CNTN3: variants seen among roughly 807,000 people sequenced by gnomAD.
CNTN3 encodes contactin-3.
A neutral mutation model predicts 119.1 loss-of-function variants in CNTN3; 60 were observed. That is an observed-to-expected ratio of 0.50 (90% CI 0.41 to 0.62). The LOEUF (loss-of-function observed/expected upper bound fraction) is 0.62, where lower values mean the gene tolerates loss of function less well. CNTN3 is among the 20% of genes least tolerant of loss of function. The pLI is 0.00. For synonymous variants in CNTN3, 450 were observed against 438.7 expected (o/e 1.03, Z -0.32); for missense variants, 1,101 against 1,242.4 (o/e 0.89, Z 1.71).
At chr3:74,363,322 G>C (rs1461307365) in intron 10 of CNTN3, among the ~76,000 whole-genome samples, 2 of 152,120 alleles carry the variant, frequency 1.3e-5, no homozygotes, top group Admixed American at 6.6e-5. Flanking sequence ...AATCACTCTT[G>C]ACATATAACA....
chr3:74,431,601 A>G (rs1358111780), intron 4 of CNTN3, among the ~76,000 whole-genome samples: 2 of 152,216 alleles, frequency 1.3e-5, no homozygotes, highest in Non-Finnish European at 2.9e-5. Flanking sequence ...TTCTAAATGT[A>G]TTTGACCAAA....
At chr3:74,431,808 A>T (rs1259042381) in intron 4 of CNTN3, among the ~76,000 whole-genome samples, 3 of 152,214 alleles carry the variant, frequency 2.0e-5, no homozygotes, top group Non-Finnish European at 2.9e-5. Flanking sequence ...CTCAACATTT[A>T]AAAACTGAAG....
intron 1 of CNTN3, among the ~76,000 whole-genome samples, chr3:74,592,580 T>C (rs912308720): frequency 1.3e-5 from 2 of 151,908 alleles, no homozygotes; most frequent in Admixed American, 6.6e-5. Context: ...CTTCAGAAAG[T>C]AGCTGGCCTC....
chr3:74,451,241 G>A (rs1374016746), intron 4 of CNTN3, among the ~76,000 whole-genome samples: 2 of 152,158 alleles, frequency 1.3e-5, no homozygotes, highest in African/African-American at 4.8e-5. Flanking sequence ...TTGCGGTTTT[G>A]ATTTGCATTT....
chr3:74,590,102 G>A (rs1704674448), intron 1 of CNTN3, among the ~76,000 whole-genome samples: 1 of 151,456 alleles, frequency 6.6e-6, no homozygotes, highest in Non-Finnish European at 1.5e-5. Context: ...AAAACTTAAA[G>A]TATAATAATA....
rs192894162 is a variant in CNTN3, at chr3:74,577,510, A to G, written c.-81+36881T>C. On this transcript the variant is annotated intron_variant, in intron 1 of 22. Transcript: ENST00000263665. ...AGCATAGTTCTCTCTCATTTAACCA[A>G]TGCATATTTCATTTTTACTACCTCA... 1.3e-3 allele frequency among the ~76,000 whole-genome samples: 192 copies of G among 152,226 alleles called. 1 individual carries two copies. In the Middle Eastern group the frequency reaches 0.041, roughly 32 times the overall value.
At chr3:74,604,864 C>T (rs753352212) in intron 1 of CNTN3, among the ~76,000 whole-genome samples, 3 of 152,136 alleles carry the variant, frequency 2.0e-5, no homozygotes, top group African/African-American at 4.8e-5. Flanking sequence ...TTCATCGCAG[C>T]ATTATTCACA....
chr3:74,372,640 A>C (rs1704370683), intron 5 of CNTN3, among the ~76,000 whole-genome samples: 1 of 152,174 alleles, frequency 6.6e-6, no homozygotes, highest in South Asian at 2.1e-4. Context: ...AATTTAATGA[A>C]TAACAAGTTT....
At chr3:74,336,799 C>CAAAAA in intron 11 of CNTN3, 141 bp from the exon 12 acceptor site, 1 of 394,436 alleles carries the variant, frequency 2.5e-6, no homozygotes, top group Non-Finnish European at 4.2e-6. Context: ...TTTGGGAATA[C>CAAAAA]AAAAAAAAAA....
At chr3:74,564,357 A>T (rs974428150) in intron 1 of CNTN3, among the ~76,000 whole-genome samples, 5 of 152,042 alleles carry the variant, frequency 3.3e-5, no homozygotes, top group Admixed American at 3.3e-4. Flanking sequence ...ATGATGAGTG[A>T]TGAGAGAGGA....
At chr3:74,590,578 T>C (rs17012661) in intron 1 of CNTN3, among the ~76,000 whole-genome samples, 27,122 of 151,946 alleles carry the variant, frequency 0.18, 4,300 homozygotes, top group African/African-American at 0.42. Context: ...GTTGACTCAT[T>C]GATTGGGGAA....
chr3:74,556,158 C>T (rs977072182), intron 1 of CNTN3, among the ~76,000 whole-genome samples: 1 of 152,092 alleles, frequency 6.6e-6, no homozygotes, highest in South Asian at 2.1e-4. Context: ...AGGTATACTT[C>T]ACACACCATA....
chr3:74,594,136 G>A (rs545924619), intron 1 of CNTN3, among the ~76,000 whole-genome samples: 1 of 151,890 alleles, frequency 6.6e-6, no homozygotes, highest in Non-Finnish European at 1.5e-5. Context: ...CACTGAGTCT[G>A]TTGTGCACTT....
rs761369881 is a variant in CNTN3, at chr3:74,301,470, C to G, written c.2023G>C (p.Val675Leu). 1 of 1,614,062 alleles carries G rather than the reference C, an allele frequency of 6.2e-7. No homozygotes were observed. The highest frequency in any genetic ancestry group is 2.2e-5 in the East Asian group (1 of 44,878). ...CCTCCAATTTTGTTACTGGCTACAA[C>G]CCGAAATTCATATTCCACCCATGGG... Reference protein sequence around the residue: ...LNPWVEYEFRVVASNKIGGGE... With the variant: ...LNPWVEYEFRLVASNKIGGGE... Residue 675 changes from valine to leucine, a missense_variant, in exon 16 of 23, where the codon GTT becomes CTT. By Grantham distance (32) the Val-to-Leu change is conservative. Coordinates refer to ENST00000263665, the MANE Select transcript of CNTN3 (RefSeq NM_020872.3).
intron 1 of CNTN3, among the ~76,000 whole-genome samples, chr3:74,574,787 A>G (rs972726937): frequency 6.6e-6 from 1 of 152,206 alleles, no homozygotes; most frequent in Non-Finnish European, 1.5e-5. Context: ...TTCCTGAAAA[A>G]TCTACATTAC....
chr3:74,334,735 C>T lies in CNTN3; in HGVS notation c.1668G>A (p.Gly556=), dbSNP rs748463780. 1 of 1,612,388 alleles carries T rather than the reference C, an allele frequency of 6.2e-7. No individual in the cohort carries two copies. Among genetic ancestry groups the T allele is most frequent in the Admixed American group, 1.7e-5 (1 of 59,842 alleles). Residue 556 remains glycine (G), a splice_region_variant and synonymous_variant, in exon 13 of 23, where the codon GGG becomes GGA. Transcript: ENST00000263665. ...GTATGAGGAAAGTGCCACAACTTACCCCACCAACTTTCTCAAAGTGAGATC... is the reference window on the plus strand; with the variant it reads ...GTATGAGGAAAGTGCCACAACTTACTCCACCAACTTTCTCAAAGTGAGATC... ...KDGSHFEKVG[G]SSSGDLMIRN...
chr3:74,559,221 G>C (rs1244068798), intron 1 of CNTN3, among the ~76,000 whole-genome samples: 1 of 151,980 alleles, frequency 6.6e-6, no homozygotes, highest in Non-Finnish European at 1.5e-5. Flanking sequence ...TTTCTCAACA[G>C]CAAAATGAGG....
At chr3:74,399,191 T>C (rs1559582045) in intron 5 of CNTN3, among the ~76,000 whole-genome samples, 1 of 152,146 alleles carries the variant, frequency 6.6e-6, no homozygotes, top group Non-Finnish European at 1.5e-5. Flanking sequence ...GTTTGTGACA[T>C]AGGTAAACTT....
chr3:74,467,165 C>T (rs1344357230), intron 4 of CNTN3, among the ~76,000 whole-genome samples: 1 of 151,730 alleles, frequency 6.6e-6, no homozygotes, highest in Non-Finnish European at 1.5e-5. Flanking sequence ...TTCACTTTAA[C>T]ACAGAAAGAT....
Sources: gnomAD v4.1 joint callset for allele counts (sites outside exome capture counted in the v4.1 genomes callset) on GRCh38, gnomAD v4.1.1 for gene constraint, MANE v1.5 for transcripts, NCBI Gene and HGNC (gene_info 2026-07-23, HGNC 2026-07-21) for gene names.